The following LARP1B variants were observed in gnomAD, a reference collection of about 807,000 sequenced individuals.
The protein encoded by LARP1B is la-related protein 1B.
LARP1B carries 76 observed loss-of-function variants against 114.2 expected under a neutral mutation model. That is an observed-to-expected ratio of 0.67 (90% CI 0.55 to 0.81). The LOEUF is 0.81. LARP1B is among the 30% of genes least tolerant of loss of function. The probability of loss-of-function intolerance (pLI) is 0.00; values close to 1 mark genes in which losing one functional copy is unlikely to be tolerated. For synonymous variants in LARP1B, 345 were observed against 348.0 expected, an observed-to-expected ratio of 0.99 and a Z score of 0.10; for missense variants, 1,014 against 1,075.8, an observed-to-expected ratio of 0.94 and a Z score of 0.80.
intron 7 of LARP1B, among the ~76,000 whole-genome samples, chr4:128,094,465 A>G (rs961086992): frequency 7.4e-5 from 11 of 148,702 alleles, no homozygotes; most frequent in Non-Finnish European, 1.0e-4. Context: ...CAGTGGCGCA[A>G]TCTCGGCTCA....
At chr4:128,063,248 G>T (rs1225662823) in intron 1 of LARP1B, among the ~76,000 whole-genome samples, 1 of 150,756 alleles carries the variant, frequency 6.6e-6, no homozygotes, top group Non-Finnish European at 1.5e-5. Flanking sequence ...CCAATATGGC[G>T]AAACCCCGTC....
At chr4:128,156,096 C>T in intron 11 of LARP1B, 4 of 1,606,032 alleles carry the variant, frequency 2.5e-6, no homozygotes, top group Non-Finnish European at 3.4e-6. Flanking sequence ...TGGTCTTCAC[C>T]TACCCCAGCA....
At chr4:128,070,571 G>T (rs879934470) in intron 1 of LARP1B, among the ~76,000 whole-genome samples, 4 of 152,136 alleles carry the variant, frequency 2.6e-5, no homozygotes, top group Non-Finnish European at 4.4e-5. Context: ...TGAGGTGGGA[G>T]AATTGCTTGA....
chr4:128,108,841 G>A (rs1321883695), intron 9 of LARP1B: 1 of 981,860 alleles, frequency 1.0e-6, no homozygotes, highest in Non-Finnish European at 1.2e-6. Context: ...GGTCAGTCAA[G>A]TTGGTAATGC....
chr4:128,208,265 T>C (rs1234736170), intron 19 of LARP1B, among the ~76,000 whole-genome samples: 1 of 150,404 alleles, frequency 6.6e-6, no homozygotes, highest in African/African-American at 2.5e-5. Context: ...GAGGTGGAGG[T>C]TGCAGTGGGC....
intron 15 of LARP1B, among the ~76,000 whole-genome samples, chr4:128,191,335 T>A (rs535067092): frequency 1.3e-5 from 2 of 152,352 alleles, no homozygotes; most frequent in South Asian, 4.1e-4. Context: ...CATTTGTGGC[T>A]TTGCTTTAAA....
intron 15 of LARP1B, among the ~76,000 whole-genome samples, chr4:128,196,620 A>T (rs993242160): frequency 6.6e-6 from 1 of 151,358 alleles, no homozygotes; most frequent in Non-Finnish European, 1.5e-5. Context: ...TCGGACACGG[A>T]GTCTCACTCT....
chr4:128,060,973 G>T (rs958457226), upstream of LARP1B, among the ~76,000 whole-genome samples: 3 of 152,102 alleles, frequency 2.0e-5, no homozygotes, highest in Non-Finnish European at 4.4e-5. Context: ...CCATGTGCGC[G>T]GCCCGCCCAG....
At chr4:128,102,353 G>T (rs1225769012) in intron 8 of LARP1B, among the ~76,000 whole-genome samples, 1 of 152,190 alleles carries the variant, frequency 6.6e-6, no homozygotes, top group Non-Finnish European at 1.5e-5. Context: ...AGGATGAATT[G>T]TGTTAATGAA....
chr4:128,130,994 A>G (rs1791393235), intron 11 of LARP1B, among the ~76,000 whole-genome samples: 3 of 152,264 alleles, frequency 2.0e-5, no homozygotes, highest in Non-Finnish European at 4.4e-5. Context: ...CTATAGTAAC[A>G]GTAAAAAGAT....
intron 14 of LARP1B, 194 bp from the exon 15 acceptor site, chr4:128,179,212 T>G: frequency 2.4e-6 from 1 of 416,172 alleles, no homozygotes; most frequent in Non-Finnish European, 4.2e-6. Flanking sequence ...GTCACAAACC[T>G]ACCAAAGGAC....
intron 11 of LARP1B, among the ~76,000 whole-genome samples, chr4:128,131,161 C>T (rs1386408286): frequency 6.6e-6 from 1 of 152,108 alleles, no homozygotes; most frequent in African/African-American, 2.4e-5. Context: ...TTTGATAATA[C>T]TGTCAGTGTT....
rs1024290159 is a variant in LARP1B, at chr4:128,130,187, C to T, written c.1524+7999C>T. Among the ~76,000 whole-genome samples, 21 of 151,734 alleles carry T rather than the reference C, an allele frequency of 1.4e-4. 1 individual carries two copies. The highest frequency in any genetic ancestry group is 3.4e-3 in the Middle Eastern group (1 of 294). Reference sequence around the variant, plus strand: ...GGGCAACATAGTGAGACTGTCTCTACGAAAAATTTTTTTAAAAAAGGAGAG... The same window carrying T: ...GGGCAACATAGTGAGACTGTCTCTATGAAAAATTTTTTTAAAAAAGGAGAG... On this transcript the variant is annotated intron_variant, in intron 11 of 19. Transcript: ENST00000326639.
chr4:128,204,297 A>G (rs568874196), intron 17 of LARP1B, among the ~76,000 whole-genome samples: 1 of 152,180 alleles, frequency 6.6e-6, no homozygotes, highest in East Asian at 1.9e-4. Flanking sequence ...AATGAGTAAG[A>G]CCTACTATTT....
chr4:128,124,051 A>G (rs1162162693), intron 11 of LARP1B, among the ~76,000 whole-genome samples: 1 of 152,116 alleles, frequency 6.6e-6, no homozygotes, highest in Non-Finnish European at 1.5e-5. Flanking sequence ...TTAGACTTGT[A>G]CTTTTCCTGT....
In LARP1B at chr4:128,210,096, G is replaced by C; in HGVS notation, c.*43G>C. ...CTGTGGTCTCAAGAAATGGTGAAAT[G>C]CCTGAGAAATAGACTCTTATGAAAG... On this transcript the variant is annotated 3_prime_UTR_variant, in exon 20 of 20. Transcript: ENST00000326639. 1.9e-6 allele frequency: 3 copies of C among 1,612,632 alleles called. No homozygotes were observed. Among genetic ancestry groups the C allele is most frequent in the Non-Finnish European group, 2.5e-6 (3 of 1,178,924 alleles).
intron 11 of LARP1B, among the ~76,000 whole-genome samples, chr4:128,144,350 T>C (rs1049570019): frequency 2.0e-5 from 3 of 152,238 alleles, no homozygotes; most frequent in Non-Finnish European, 4.4e-5. Context: ...ACTGAAACTT[T>C]TGAATTAGTA....
chr4:128,207,072 C>T (rs1287865972), intron 18 of LARP1B, among the ~76,000 whole-genome samples, 184 bp from the exon 19 acceptor site: 1 of 152,172 alleles, frequency 6.6e-6, no homozygotes, highest in African/African-American at 2.4e-5. Flanking sequence ...ATGCTTGTTA[C>T]ATAACAAATG....
chr4:128,073,418 CAAAAAA>C (rs776553862), intron 1 of LARP1B, among the ~76,000 whole-genome samples: 10 of 42,914 alleles, frequency 2.3e-4, no homozygotes, highest in Admixed American at 4.8e-4. Context: ...GATTCCGTCT[CAAAAAA>C]AAAAAAAAAA....
Sources: allele counts gnomAD v4.1 joint callset (sites outside exome capture counted in the v4.1 genomes callset), GRCh38; gene constraint gnomAD v4.1.1; transcripts MANE v1.5; gene names NCBI Gene and HGNC (gene_info 2026-07-23, HGNC 2026-07-21).